The following TBX15 variants were observed in gnomAD, a reference collection of about 807,000 sequenced individuals.
TBX15 encodes the protein T-box transcription factor TBX15.
A neutral mutation model predicts 53.9 loss-of-function variants in TBX15; 18 were observed. The ratio of observed to expected loss-of-function variants is 0.33; its 90% CI spans 0.23 to 0.49. TBX15 has a LOEUF of 0.49. Ranked by LOEUF, TBX15 falls within the 20% of genes least tolerant of loss-of-function variation. The pLI, the probability that TBX15 is intolerant of heterozygous loss-of-function variation, is 0.98. For missense variants in TBX15, 692 were observed against 749.5 expected (o/e 0.92, Z 0.90); for synonymous variants, 295 against 278.0 (o/e 1.06, Z -0.61).
intron 1 of TBX15, among the ~76,000 whole-genome samples, chr1:118,950,669 T>C (rs931939294): frequency 2.0e-5 from 3 of 152,234 alleles, no homozygotes; most frequent in African/African-American, 4.8e-5. Context: ...GTTCTGTTTC[T>C]TAAATGAACA....
intron 6 of TBX15, among the ~76,000 whole-genome samples, chr1:118,903,686 G>T (rs1024350698): frequency 3.5e-4 from 53 of 152,096 alleles, no homozygotes; most frequent in African/African-American, 1.2e-3. Context: ...TGAGACAGAG[G>T]TCTTGAAGTA....
At chr1:118,957,935 T>G (rs777959098) in intron 1 of TBX15, among the ~76,000 whole-genome samples, 1 of 152,230 alleles carries the variant, frequency 6.6e-6, no homozygotes, top group African/African-American at 2.4e-5. Flanking sequence ...TAAACATAAA[T>G]CATGCTGCTA....
chr1:118,977,915 G>A (rs1657488362), intron 1 of TBX15, among the ~76,000 whole-genome samples: 1 of 152,176 alleles, frequency 6.6e-6, no homozygotes, highest in Non-Finnish European at 1.5e-5. Context: ...ATAGTAATGA[G>A]GGGGCAACTG....
Position 118,883,992 on chromosome 1 carries a change from C to T in TBX15, c.*740G>A, listed in dbSNP as rs1653825893. On this transcript the variant is annotated 3_prime_UTR_variant, in exon 8 of 8. Coordinates refer to ENST00000369429, the MANE Select transcript of TBX15 (RefSeq NM_001330677.2). The stretch of plus-strand genomic sequence containing the variant: ...TTTCTCCTGTTCAGCTTCTCTTTCT[C>T]CCTCTTTCCACGGGCACCACTGGGA... 1 of 152,866 alleles carries T rather than the reference C, an allele frequency of 6.5e-6. No homozygotes were observed. Among genetic ancestry groups the T allele is most frequent in the African/African-American group, 2.4e-5 (1 of 41,452 alleles). The allele number at this position is 152,866 out of a possible 1,614,324, so 9.5% of individuals were successfully genotyped here. A position where few individuals can be genotyped will look rare whatever the true frequency, so the allele number is the denominator to read the frequency against.
At chr1:118,970,378 T>C (rs1362301978) in intron 1 of TBX15, among the ~76,000 whole-genome samples, 3 of 152,176 alleles carry the variant, frequency 2.0e-5, no homozygotes, top group South Asian at 4.1e-4. Context: ...CCACTGCCAC[T>C]GTGGGCATAC....
At position 118,884,570 on chromosome 1, in the gene TBX15, G is replaced by T; in HGVS notation, c.*162C>A. 1 of 835,392 alleles carries T rather than the reference G, an allele frequency of 1.2e-6. No individual in the cohort carries two copies. Among genetic ancestry groups the T allele is most frequent in the Non-Finnish European group, 1.8e-6 (1 of 551,208 alleles). 51.7% of individuals were successfully genotyped at this position (835,392 alleles called of 1,614,324 possible). On this transcript the variant is annotated 3_prime_UTR_variant, in exon 8 of 8. Coordinates refer to ENST00000369429, the MANE Select transcript of TBX15 (RefSeq NM_001330677.2). ...CGCAAGTATCCTTCACTGGCTTAAA[G>T]GTATCTCTTGTTCTTGGGTATATGT...
chr1:118,886,829 G>A (rs1186054836), intron 7 of TBX15, among the ~76,000 whole-genome samples: 1 of 152,136 alleles, frequency 6.6e-6, no homozygotes, highest in Non-Finnish European at 1.5e-5. Context: ...CCACACTTTG[G>A]GTTAGAGGAA....
chr1:118,988,043 C>A lies in TBX15; in HGVS notation c.-248G>T, dbSNP rs1657903491. On this transcript the variant is annotated 5_prime_UTR_variant, in exon 1 of 8. Coordinates refer to ENST00000369429, the MANE Select transcript of TBX15 (RefSeq NM_001330677.2). The stretch of plus-strand genomic sequence containing the variant: ...ACTAGCGCCCCGAGCGCCGCCCGCT[C>A]GCTGCATGAGCGCCCGAGTCCTGCT... The A allele has an allele frequency of 3.5e-6, 2 of 576,474 alleles. No homozygotes were observed. The highest frequency in any genetic ancestry group is 3.1e-6 in the Non-Finnish European group (1 of 327,800). 35.7% of individuals were successfully genotyped at this position (576,474 alleles called of 1,614,324 possible).
rs139099587 is a variant in TBX15, at chr1:118,926,537, A to G, written c.494T>C (p.Ile165Thr). Reference protein sequence around the residue: ...PHQQYYIAMDIVPVDNKRYRY... With the variant: ...PHQQYYIAMDTVPVDNKRYRY... ...GTATCTTTTATTGTCCACAGGCACA[A>G]TGTCCATTGCTATGTAGTACTGCTG... Residue 165 changes from isoleucine (I) to threonine (T), a missense_variant, in exon 3 of 8, where the codon ATT becomes ACT. By Grantham distance (89) the Ile-to-Thr change is moderately conservative (BLOSUM62 -1). Transcript: ENST00000369429. The G allele has an allele frequency of 3.7e-6, 6 of 1,613,810 alleles. No individual in the cohort carries two copies. In the African/African-American group the frequency reaches 4.0e-5, roughly 11 times the overall value.
rs967827693 is a variant in TBX15 at position 118,950,246 on chromosome 1, G to A, written c.206-18414C>T. ...TAGGGTTTAGGCATATGTGGCTTCT[G>A]GAGGAGAGACTTCTCTGCTGCTTTG... On this transcript the variant is annotated intron_variant, in intron 1 of 7. Coordinates refer to ENST00000369429, the MANE Select transcript of TBX15 (RefSeq NM_001330677.2). Among the ~76,000 whole-genome samples, 3 of 152,206 alleles carry A rather than the reference G, an allele frequency of 2.0e-5. No individual in the cohort carries two copies. The South Asian group carries it at 6.2e-4, about 31-fold the overall frequency.
chr1:118,970,482 G>A (rs1657198260), intron 1 of TBX15, among the ~76,000 whole-genome samples: 1 of 152,160 alleles, frequency 6.6e-6, no homozygotes, highest in East Asian at 1.9e-4. Context: ...CGTCTTGCAA[G>A]TCATGAAAAG....
At chr1:118,947,468 T>C (rs1329748180) in intron 1 of TBX15, among the ~76,000 whole-genome samples, 5 of 152,174 alleles carry the variant, frequency 3.3e-5, no homozygotes, top group Non-Finnish European at 4.4e-5. Context: ...TGAGTCCTGA[T>C]TCTGACTCTA....
intron 7 of TBX15, among the ~76,000 whole-genome samples, chr1:118,886,759 G>C (rs1271737562): frequency 6.6e-6 from 1 of 152,202 alleles, no homozygotes; most frequent in Non-Finnish European, 1.5e-5. Context: ...GATTCTGTAA[G>C]TCTGGGGTGG....
rs1657900316 is a variant in TBX15 at position 118,987,948 on chromosome 1, C to G, written c.-153G>C. ...GCGGCTCGCGGGTCTCTCCACCCTC[C>G]CCCTGCGTCCTCCTCCGCCCTCCTC... On this transcript the variant is annotated 5_prime_UTR_variant, in exon 1 of 8. Transcript: ENST00000369429. The G allele has an allele frequency of 3.4e-6, 3 of 892,542 alleles. No homozygotes were observed. Among genetic ancestry groups the G allele is most frequent in the African/African-American group, 3.4e-5 (2 of 59,562 alleles). The allele number at this position is 892,542 out of a possible 1,614,324, so 55.3% of individuals were successfully genotyped here.
chr1:118,895,728 T>C (rs906491089), intron 7 of TBX15, among the ~76,000 whole-genome samples: 1 of 151,916 alleles, frequency 6.6e-6, no homozygotes, highest in Non-Finnish European at 1.5e-5. Context: ...ACTGAAGACA[T>C]CTGAAGACCA....
chr1:118,952,000 T>C (rs973103147), intron 1 of TBX15, among the ~76,000 whole-genome samples: 1 of 152,208 alleles, frequency 6.6e-6, no homozygotes, highest in African/African-American at 2.4e-5. Context: ...ATTTGAACTG[T>C]GCAGGTCCAC....
rs755938120 is a variant in TBX15 at position 118,931,771 on chromosome 1, G to C, written c.267C>G (p.Phe89Leu). The C allele has an allele frequency of 1.2e-6, 2 of 1,610,330 alleles. No homozygotes were observed. Among genetic ancestry groups the C allele is most frequent in the East Asian group, 4.5e-5 (2 of 44,812 alleles). ...EVLTERTSCS[F>L]STHTDLASGA... The stretch of plus-strand genomic sequence containing the variant: ...CAGAGGCCAGGTCAGTGTGAGTACT[G>C]AAGGAGCAGGAAGTCCGCTCAGTGA... The change falls in exon 2 of 8, where the codon TTC becomes TTG. Residue 89 changes from phenylalanine to leucine, a missense_variant. Physicochemically the swap from Phe to Leu is conservative, Grantham distance 22 (BLOSUM62 0). Around this residue, in one of 3 missense-constraint regions of TBX15, gnomAD observed 307 missense variants for 347.5 expected, o/e 0.88. Coordinates refer to ENST00000369429, the MANE Select transcript of TBX15 (RefSeq NM_001330677.2).
chr1:118,966,324 C>G (rs1161602486), intron 1 of TBX15, among the ~76,000 whole-genome samples: 1 of 152,178 alleles, frequency 6.6e-6, no homozygotes, highest in African/African-American at 2.4e-5. Flanking sequence ...TCGTGCAGAG[C>G]AGGTTCTCCT....
chr1:118,979,539 A>G (rs1657570125), intron 1 of TBX15, among the ~76,000 whole-genome samples: 1 of 152,184 alleles, frequency 6.6e-6, no homozygotes, highest in African/African-American at 2.4e-5. Context: ...GCCTGATGAA[A>G]GCAAAAGCTC....
Sources: gnomAD v4.1 joint callset for allele counts (sites outside exome capture counted in the v4.1 genomes callset) on GRCh38, gnomAD v4.1.1 for gene constraint, gnomAD v4.1.1 regional missense constraint, MANE v1.5 for transcripts, NCBI Gene and HGNC (gene_info 2026-07-23, HGNC 2026-07-21) for gene names.